The following GGA2 variants were observed in gnomAD, a reference collection of about 807,000 sequenced individuals.
GGA2 encodes golgi associated, gamma adaptin ear containing, ARF binding protein 2, also known as ADP-ribosylation factor-binding protein GGA2.
GGA2 carries 48 observed loss-of-function variants against 79.5 expected under a neutral mutation model. That is an observed-to-expected ratio of 0.60 (90% CI 0.48 to 0.77). GGA2 has a LOEUF of 0.77. Ranked by LOEUF, GGA2 falls within the 30% of genes least tolerant of loss-of-function variation. GGA2 has a pLI of 0.00. For missense variants in GGA2, 770 were observed against 774.0 expected (o/e 0.99, Z 0.06); for synonymous variants, 317 against 302.0 (o/e 1.05, Z -0.51).
chr16:23,473,031 C>CA (rs71379682), intron 14 of GGA2, among the ~76,000 whole-genome samples: 86,511 of 114,384 alleles, frequency 0.76, 31,872 homozygotes, highest in Middle Eastern at 0.83. Context: ...ACTCTGTCTC[C>CA]AAAAAAAAAA....
chr16:23,502,291 A>C (rs1213896626), intron 1 of GGA2, among the ~76,000 whole-genome samples: 1 of 152,186 alleles, frequency 6.6e-6, no homozygotes, highest in Non-Finnish European at 1.5e-5. Flanking sequence ...CTACGTCATG[A>C]TTATAAAGGA....
intron 1 of GGA2, among the ~76,000 whole-genome samples, chr16:23,502,356 G>A (rs1418159748): frequency 6.6e-6 from 1 of 152,204 alleles, no homozygotes; most frequent in Admixed American, 6.5e-5. Flanking sequence ...GCCACCTAGG[G>A]AAGCAGTAAA....
intron 9 of GGA2, among the ~76,000 whole-genome samples, chr16:23,482,699 T>C (rs1293863929): frequency 3.3e-5 from 5 of 152,160 alleles, no homozygotes; most frequent in African/African-American, 1.2e-4. Context: ...CCATGGTCAA[T>C]TTCCACTTCT....
At chr16:23,478,237 AAAG>A (rs1188840053) in intron 13 of GGA2, 128 bp downstream of exon 13, 113 of 660,274 alleles carry the variant, frequency 1.7e-4, no homozygotes, top group South Asian at 9.1e-4. Context: ...AAAAAAAAAA[AAAG>A]AAAGAAAGAA....
chr16:23,487,865 G>A (rs1030758634), intron 6 of GGA2, among the ~76,000 whole-genome samples: 1 of 152,060 alleles, frequency 6.6e-6, no homozygotes, highest in African/African-American at 2.4e-5. Flanking sequence ...AGCATACCAC[G>A]CAGAAACGAG....
intron 6 of GGA2, among the ~76,000 whole-genome samples, 194 bp from the exon 7 acceptor site, chr16:23,486,984 G>GTT (rs35896041): frequency 0.014 from 1,833 of 133,152 alleles, 81 homozygotes; most frequent in African/African-American, 0.045. Context: ...CTTTTCTGTT[G>GTT]TTTTTTTTTT....
rs1438242904 is a variant in GGA2, at chr16:23,474,106, A to AT, written c.1450+797dup. 3.9e-5 allele frequency among the ~76,000 whole-genome samples: 6 copies of AT among 152,138 alleles called. No homozygotes were observed. In the East Asian group the frequency reaches 1.2e-3, roughly 29 times the overall value. ...TCCATTTCCTTCCCTTTTAACAGAG[A>AT]TAATATCCACTTTTCTGCCTTAAGG... is the stretch of plus-strand genomic sequence containing the variant. On this transcript the variant is annotated intron_variant, in intron 14 of 16. Coordinates refer to ENST00000309859, the MANE Select transcript of GGA2 (RefSeq NM_015044.4).
intron 5 of GGA2, among the ~76,000 whole-genome samples, chr16:23,490,539 A>G (rs956297826): frequency 1.3e-5 from 2 of 152,126 alleles, no homozygotes; most frequent in Non-Finnish European, 2.9e-5. Context: ...GTTTGAGACC[A>G]GCCTGAGCAA....
At chr16:23,510,170 G>C (rs936533502) in intron 1 of GGA2, 151 bp downstream of exon 1, 4 of 397,708 alleles carry the variant, frequency 1.0e-5, no homozygotes, top group Non-Finnish European at 1.7e-5. Flanking sequence ...GGACCCCTGG[G>C]CGATCTTCCC....
chr16:23,478,510 T>G lies in GGA2; in HGVS notation c.1159-9A>C. 1 of 1,603,602 alleles carries G rather than the reference T, an allele frequency of 6.2e-7. No individual in the cohort carries two copies. Among genetic ancestry groups the G allele is most frequent in the Non-Finnish European group, 8.5e-7 (1 of 1,173,074 alleles). ...CAATTCTGACCAGAAACCTGTCAAATCAGGAATGGCTAAAATAAGACCAGG... is the reference window on the plus strand; with the variant it reads ...CAATTCTGACCAGAAACCTGTCAAAGCAGGAATGGCTAAAATAAGACCAGG... On this transcript the variant is annotated splice_polypyrimidine_tract_variant and intron_variant, in intron 12 of 16. Coordinates refer to ENST00000309859, the MANE Select transcript of GGA2 (RefSeq NM_015044.4).
At chr16:23,517,738 C>G (rs1314158887) in intron 2 of GGA2, among the ~76,000 whole-genome samples, 3 of 147,526 alleles carry the variant, frequency 2.0e-5, no homozygotes, top group Admixed American at 6.7e-5. Context: ...CTCAGAACCC[C>G]TGAGGTGCAT....
intron 7 of GGA2, 151 bp downstream of exon 7, chr16:23,486,559 G>GA (rs1964715510): frequency 1.4e-6 from 1 of 699,572 alleles, no homozygotes; most frequent in East Asian, 2.5e-5. Context: ...GCCCTTGAGG[G>GA]AGACTATGGC....
Position 23,478,506 on chromosome 16 carries a change from C to T in GGA2, c.1159-5G>A. The T allele has an allele frequency of 1.9e-6, 3 of 1,603,806 alleles. No homozygotes were observed. Among genetic ancestry groups the T allele is most frequent in the Non-Finnish European group, 2.6e-6 (3 of 1,173,328 alleles). On this transcript the variant is annotated splice_polypyrimidine_tract_variant and splice_region_variant and intron_variant, in intron 12 of 16. Transcript: ENST00000309859. ...ACAGCAATTCTGACCAGAAACCTGT[C>T]AAATCAGGAATGGCTAAAATAAGAC...
At position 23,483,015 on chromosome 16, in the gene GGA2, A is replaced by G. The variant is rs1964667951; in HGVS notation, c.799-11T>C. The G allele has an allele frequency of 6.3e-7, 1 of 1,598,490 alleles. No homozygotes were observed. The highest frequency in any genetic ancestry group is 8.6e-7 in the Non-Finnish European group (1 of 1,166,088). ...CCTCTCATACACGACCTGAAAGAGC[A>G]GAGCTTGGTTCATGACACACGCCCA... On this transcript the variant is annotated splice_polypyrimidine_tract_variant and intron_variant, in intron 8 of 16. Coordinates refer to ENST00000309859, the MANE Select transcript of GGA2 (RefSeq NM_015044.4).
In GGA2 at chr16:23,467,603, A is replaced by C. The variant is rs1007847798; in HGVS notation, c.1829T>G (p.Leu610Trp). The C allele has an allele frequency of 6.4e-7, 1 of 1,571,690 alleles. No homozygotes were observed. Among genetic ancestry groups the C allele is most frequent in the African/African-American group, 1.3e-5 (1 of 74,090 alleles). ...TCTTGTGAAAAGTTAGGCTGCGCCCAAGACAGCCAGGTCTGGGAAGTCTTT... is the reference window on the plus strand; with the variant it reads ...TCTTGTGAAAAGTTAGGCTGCGCCCCAGACAGCCAGGTCTGGGAAGTCTTT... Reference protein sequence around the residue: ...EVKDFPDLAVLGAA With the variant: ...EVKDFPDLAVWGAA The change falls in exon 17 of 17, where the codon TTG becomes TGG. Residue 610 changes from leucine to tryptophan, a missense_variant. Coordinates refer to ENST00000309859, the MANE Select transcript of GGA2 (RefSeq NM_015044.4).
At chr16:23,481,075 T>C (rs1964641786) in intron 9 of GGA2, among the ~76,000 whole-genome samples, 2 of 152,204 alleles carry the variant, frequency 1.3e-5, no homozygotes, top group Non-Finnish European at 2.9e-5. Flanking sequence ...CTTTTAACTT[T>C]AACTCAGAAT....
intron 8 of GGA2, among the ~76,000 whole-genome samples, chr16:23,485,350 C>T (rs1964698491): frequency 6.6e-6 from 1 of 152,140 alleles, no homozygotes; most frequent in South Asian, 2.1e-4. Context: ...TTAATTATCT[C>T]ATAAAGATGC....
intron 1 of GGA2, among the ~76,000 whole-genome samples, chr16:23,496,610 G>A (rs1964859339): frequency 6.6e-6 from 1 of 152,084 alleles, no homozygotes; most frequent in South Asian, 2.1e-4. Context: ...CTTGAGCCCA[G>A]GAGTTTGAGA....
intron 5 of GGA2, among the ~76,000 whole-genome samples, chr16:23,491,179 C>T (rs1021847264): frequency 6.6e-5 from 10 of 151,690 alleles, no homozygotes; most frequent in South Asian, 6.2e-4. Flanking sequence ...TGGTGGCACA[C>T]GCCTGTAGTC....
Sources: gnomAD v4.1 joint callset for allele counts (sites outside exome capture counted in the v4.1 genomes callset) on GRCh38, gnomAD v4.1.1 for gene constraint, MANE v1.5 for transcripts, NCBI Gene and HGNC (gene_info 2026-07-23, HGNC 2026-07-21) for gene names.